The following ERBB4 variants were observed in gnomAD, a reference collection of about 807,000 sequenced individuals.
The protein encoded by ERBB4 is erb-b2 receptor tyrosine kinase 4, also known as receptor tyrosine-protein kinase erbB-4.
A neutral mutation model predicts 158.0 loss-of-function variants in ERBB4; 42 were observed. The observed-to-expected ratio is 0.27, with a 90% CI of 0.21 to 0.34. The LOEUF is 0.34. Ranked by LOEUF, ERBB4 falls within the 10% of genes least tolerant of loss-of-function variation. The pLI is 1.00. For missense variants in ERBB4, 1,333 were observed against 1,624.1 expected, an observed-to-expected ratio of 0.82 and a Z score of 3.08; for synonymous variants, 583 against 558.7, an observed-to-expected ratio of 1.04 and a Z score of -0.61.
intron 1 of ERBB4, among the ~76,000 whole-genome samples, chr2:212,373,929 C>CA (rs2090202570): frequency 1.5e-5 from 1 of 65,818 alleles, no homozygotes; most frequent in Non-Finnish European, 2.8e-5. Context: ...ATATATATAT[C>CA]CATATATATC....
rs573077813 is a variant in ERBB4, at chr2:211,629,021, G to A, written c.2079+1441C>T. On this transcript the variant is annotated intron_variant, in intron 17 of 27. Transcript: ENST00000342788. ...TGCACACTTTTTGATGGGGTTGTTTGTTTTTTTTCTTCTAAATTTGTTTGA... is the reference window on the plus strand; with the variant it reads ...TGCACACTTTTTGATGGGGTTGTTTATTTTTTTTCTTCTAAATTTGTTTGA... 3.3e-5 allele frequency among the ~76,000 whole-genome samples: 5 copies of A among 151,884 alleles called. No individual in the cohort carries two copies. In the South Asian group the frequency reaches 1.0e-3, roughly 32 times the overall value.
intron 1 of ERBB4, among the ~76,000 whole-genome samples, chr2:212,490,640 T>G (rs1690223323): frequency 6.6e-6 from 1 of 151,864 alleles, no homozygotes; most frequent in Non-Finnish European, 1.5e-5. Context: ...AGACATTTTC[T>G]ATAAGTAAAT....
intron 19 of ERBB4, 128 bp from the exon 20 acceptor site, chr2:211,562,216 G>GA: frequency 2.6e-6 from 2 of 755,436 alleles, no homozygotes; most frequent in South Asian, 3.0e-5. Flanking sequence ...CAATCAAAAT[G>GA]AAAAGACATA....
chr2:212,486,961 A>G (rs1469857637), intron 1 of ERBB4, among the ~76,000 whole-genome samples: 1 of 152,162 alleles, frequency 6.6e-6, no homozygotes, highest in Non-Finnish European at 1.5e-5. Flanking sequence ...CAAGATCTTA[A>G]AACAATAGTA....
chr2:212,008,919 T>C (rs2076317032), intron 2 of ERBB4, among the ~76,000 whole-genome samples: 1 of 152,174 alleles, frequency 6.6e-6, no homozygotes, highest in African/African-American at 2.4e-5. Flanking sequence ...ATGCTTTACA[T>C]GACATTTATC....
chr2:211,388,206 C>A (rs1042705777), intron 25 of ERBB4, among the ~76,000 whole-genome samples: 1 of 152,092 alleles, frequency 6.6e-6, no homozygotes, highest in Non-Finnish European at 1.5e-5. Context: ...TATTTTAATT[C>A]AATCCCTGAA....
intron 1 of ERBB4, among the ~76,000 whole-genome samples, chr2:212,358,164 T>A (rs1447688581): frequency 2.0e-5 from 3 of 151,846 alleles, no homozygotes; most frequent in Admixed American, 6.6e-5. Flanking sequence ...TACATTTTTT[T>A]AAAAAGAACT....
intron 16 of ERBB4, among the ~76,000 whole-genome samples, chr2:211,633,758 G>A (rs2125880287): frequency 2.0e-5 from 3 of 150,070 alleles, no homozygotes; most frequent in Middle Eastern, 6.8e-3. Flanking sequence ...AGACATATAG[G>A]AACCTCTATA....
chr2:211,454,995 T>G (rs2064343886), intron 20 of ERBB4, among the ~76,000 whole-genome samples: 1 of 152,252 alleles, frequency 6.6e-6, no homozygotes, highest in South Asian at 2.1e-4. Flanking sequence ...TTAAAAATTC[T>G]ATGAACCATT....
intron 25 of ERBB4, among the ~76,000 whole-genome samples, chr2:211,407,251 C>T (rs2063166133): frequency 6.6e-6 from 1 of 152,066 alleles, no homozygotes; most frequent in Non-Finnish European, 1.5e-5. Flanking sequence ...AATTACTAGA[C>T]ACAAAAGAAT....
intron 20 of ERBB4, among the ~76,000 whole-genome samples, chr2:211,481,662 T>A (rs1264586876): frequency 6.6e-6 from 1 of 152,128 alleles, no homozygotes; most frequent in Non-Finnish European, 1.5e-5. Context: ...CTTAAGTGAC[T>A]TTGTGTCTCT....
chr2:211,901,701 GCA>G (rs1385997975), intron 3 of ERBB4, among the ~76,000 whole-genome samples: 1 of 151,970 alleles, frequency 6.6e-6, no homozygotes, highest in African/African-American at 2.4e-5. Context: ...CATACATCTG[GCA>G]TGTTAGGACT....
intron 1 of ERBB4, among the ~76,000 whole-genome samples, chr2:212,350,426 C>T (rs1205984130): frequency 6.6e-6 from 1 of 152,024 alleles, no homozygotes; most frequent in Admixed American, 6.6e-5. Context: ...AGAACATAAG[C>T]AAATGTTTTG....
rs1242882438 is a variant in ERBB4 at position 211,623,012 on chromosome 2, T to C, written c.2202+910A>G. Among the ~76,000 whole-genome samples, 20 of 64,230 alleles carry C rather than the reference T, an allele frequency of 3.1e-4. 1 individual carries two copies. The highest frequency in any genetic ancestry group is 2.1e-3 in the African/African-American group (20 of 9,664). The allele number at this position is 64,230 out of a possible 152,430, so 42.1% of individuals were successfully genotyped here. On this transcript the variant is annotated intron_variant, in intron 18 of 27. Transcript: ENST00000342788. ...AAAAATATATATATATATATATATA[T>C]ATATATATATATATATATATATATA...
chr2:211,875,095 CGT>C (rs2078464326), intron 3 of ERBB4, among the ~76,000 whole-genome samples: 1 of 93,292 alleles, frequency 1.1e-5, no homozygotes, highest in Admixed American at 1.0e-4. Flanking sequence ...ATGCAGATAA[CGT>C]TTTTTTTTTT....
At chr2:212,168,126 G>C (rs998942522) in intron 1 of ERBB4, among the ~76,000 whole-genome samples, 1 of 151,130 alleles carries the variant, frequency 6.6e-6, no homozygotes, top group East Asian at 1.9e-4. Context: ...TGGAAAAACT[G>C]GTGAAAATCA....
chr2:211,515,912 A>ATATATATATATATTTTT (rs35696520), intron 20 of ERBB4, among the ~76,000 whole-genome samples: 6 of 78,982 alleles, frequency 7.6e-5, no homozygotes, highest in African/African-American at 3.4e-4. Context: ...ATATATATAT[A>ATATATATATATATTTTT]TTTTTTTTTT....
intron 9 of ERBB4, among the ~76,000 whole-genome samples, chr2:211,709,235 G>GTATATA (rs773229423): frequency 1.9e-5 from 2 of 103,202 alleles, no homozygotes; most frequent in African/African-American, 8.1e-5. Flanking sequence ...GCGTGTGTGT[G>GTATATA]TATATATATA....
At chr2:211,944,770 C>T (rs112903011) in intron 3 of ERBB4, among the ~76,000 whole-genome samples, 1 of 152,130 alleles carries the variant, frequency 6.6e-6, no homozygotes, top group African/African-American at 2.4e-5. Context: ...AGTTGCTGGG[C>T]CCCACCCCCA....
Sources: allele counts gnomAD v4.1 joint callset (sites outside exome capture counted in the v4.1 genomes callset), GRCh38; gene constraint gnomAD v4.1.1; transcripts MANE v1.5; gene names NCBI Gene and HGNC (gene_info 2026-07-23, HGNC 2026-07-21).